Variants in FNBP1L observed in about 807,000 individuals in gnomAD.
The protein encoded by FNBP1L is formin-binding protein 1-like.
A neutral mutation model predicts 91.2 loss-of-function variants in FNBP1L; 36 were observed. That is an observed-to-expected ratio of 0.39 (90% CI 0.30 to 0.52). The LOEUF (loss-of-function observed/expected upper bound fraction) is 0.52, where lower values mean the gene tolerates loss of function less well. Ranked by LOEUF, FNBP1L falls within the 20% of genes least tolerant of loss-of-function variation. FNBP1L has a pLI of 0.66. For synonymous variants in FNBP1L, 242 were observed against 237.0 expected (o/e 1.02, Z -0.19); for missense variants, 571 against 732.1 (o/e 0.78, Z 2.54).
intron 1 of FNBP1L, among the ~76,000 whole-genome samples, chr1:93,479,872 T>C (rs1399694385): frequency 1.3e-5 from 2 of 152,202 alleles, no homozygotes; most frequent in Admixed American, 6.5e-5. Context: ...TGTACAATAG[T>C]GGTCCTGAGG....
chr1:93,511,975 A>T, intron 2 of FNBP1L, among the ~76,000 whole-genome samples: 1 of 150,554 alleles, frequency 6.6e-6, no homozygotes, highest in Non-Finnish European at 1.5e-5. Flanking sequence ...CAAAAAAAAA[A>T]AAAAAAAAAA....
At chr1:93,506,919 A>G (rs1570814734) in intron 2 of FNBP1L, among the ~76,000 whole-genome samples, 1 of 152,196 alleles carries the variant, frequency 6.6e-6, no homozygotes, top group East Asian at 1.9e-4. Context: ...TATCACATAT[A>G]TAACTAATAT....
intron 2 of FNBP1L, among the ~76,000 whole-genome samples, chr1:93,516,315 G>T (rs1443296847): frequency 6.6e-6 from 1 of 152,174 alleles, no homozygotes; most frequent in Non-Finnish European, 1.5e-5. Flanking sequence ...CTCTTGATCT[G>T]CAGTCAAATG....
intron 2 of FNBP1L, among the ~76,000 whole-genome samples, chr1:93,504,508 G>A (rs1415405505): frequency 6.6e-6 from 1 of 152,110 alleles, no homozygotes; most frequent in Non-Finnish European, 1.5e-5. Flanking sequence ...GCGTGAAAAC[G>A]AACTAATACA....
chr1:93,524,836 T>C (rs545233355), intron 5 of FNBP1L, among the ~76,000 whole-genome samples: 1 of 152,104 alleles, frequency 6.6e-6, no homozygotes, highest in East Asian at 1.9e-4. Flanking sequence ...TTGTAAATGC[T>C]CCTGATATTG....
chr1:93,546,519 T>G (rs915878001), intron 12 of FNBP1L, among the ~76,000 whole-genome samples: 41 of 152,250 alleles, frequency 2.7e-4, no homozygotes, highest in African/African-American at 9.6e-4. Context: ...TGGGACATGA[T>G]GAGCTGAAGA....
intron 2 of FNBP1L, among the ~76,000 whole-genome samples, chr1:93,509,940 G>A (rs1028404934): frequency 1.8e-4 from 27 of 152,178 alleles, no homozygotes; most frequent in African/African-American, 4.3e-4. Context: ...ATTATATCCC[G>A]CACATGGCTC....
chr1:93,457,520 A>C (rs1247672243), intron 1 of FNBP1L, among the ~76,000 whole-genome samples: 2 of 152,130 alleles, frequency 1.3e-5, no homozygotes, highest in Non-Finnish European at 2.9e-5. Flanking sequence ...TTGCTAGACT[A>C]GCAAAACAGT....
chr1:93,550,825 A>T, intron 15 of FNBP1L, 122 bp from the exon 16 acceptor site: 1 of 914,636 alleles, frequency 1.1e-6, no homozygotes, highest in Non-Finnish European at 1.6e-6. Context: ...TGCTAGTGAG[A>T]GTCAGTAGTT....
At chr1:93,490,722 CTTCT>C (rs1471623700) in intron 1 of FNBP1L, among the ~76,000 whole-genome samples, 5 of 152,110 alleles carry the variant, frequency 3.3e-5, no homozygotes, top group Non-Finnish European at 5.9e-5. Flanking sequence ...ACTTAATATT[CTTCT>C]TTATTTCTAA....
At chr1:93,522,732 T>A (rs946437862) in intron 3 of FNBP1L, among the ~76,000 whole-genome samples, 2 of 152,214 alleles carry the variant, frequency 1.3e-5, no homozygotes, top group African/African-American at 4.8e-5. Context: ...AATCTTCATC[T>A]GTAAGAGAGT....
At chr1:93,500,984 G>GTTCT (rs907113692) in intron 2 of FNBP1L, among the ~76,000 whole-genome samples, 13 of 152,188 alleles carry the variant, frequency 8.5e-5, no homozygotes, top group African/African-American at 3.1e-4. Context: ...AAAAGTTAAT[G>GTTCT]ATCTGGGAAA....
At chr1:93,512,483 C>T (rs1237211604) in intron 2 of FNBP1L, among the ~76,000 whole-genome samples, 2 of 151,986 alleles carry the variant, frequency 1.3e-5, no homozygotes, top group Non-Finnish European at 2.9e-5. Context: ...TTTTCAGCAC[C>T]ACACCACACC....
chr1:93,467,738 T>A (rs1047622719), intron 1 of FNBP1L, among the ~76,000 whole-genome samples: 4 of 151,952 alleles, frequency 2.6e-5, no homozygotes, highest in Non-Finnish European at 5.9e-5. Context: ...TTGTGCCTGT[T>A]AATAGCCACC....
intron 1 of FNBP1L, among the ~76,000 whole-genome samples, chr1:93,484,471 G>A (rs930122161): frequency 6.6e-6 from 1 of 152,182 alleles, no homozygotes; most frequent in African/African-American, 2.4e-5. Flanking sequence ...CCCTGTTCTA[G>A]AGAATTTTCA....
chr1:93,508,737 A>C (rs147206879), intron 2 of FNBP1L, among the ~76,000 whole-genome samples: 2 of 152,208 alleles, frequency 1.3e-5, no homozygotes, highest in African/African-American at 4.8e-5. Flanking sequence ...AAAGACTTCT[A>C]TGGTTACCCT....
chr1:93,464,046 C>T (rs1003994951), intron 1 of FNBP1L, among the ~76,000 whole-genome samples: 3 of 152,132 alleles, frequency 2.0e-5, no homozygotes, highest in African/African-American at 7.2e-5. Flanking sequence ...ACTTCATACC[C>T]ATAAGGGTGG....
intron 1 of FNBP1L, among the ~76,000 whole-genome samples, chr1:93,451,523 C>CA (rs1025174233): frequency 6.6e-6 from 1 of 152,046 alleles, no homozygotes; most frequent in African/African-American, 2.4e-5. Flanking sequence ...AAGATGGATT[C>CA]AAATATCTGA....
chr1:93,459,979 T>TGTGTGTGTGTGTGTGTGTG (rs1557774013), intron 1 of FNBP1L, among the ~76,000 whole-genome samples: 1 of 47,140 alleles, frequency 2.1e-5, no homozygotes. Context: ...GTGTGTGTGT[T>TGTGTGTGTGTGTGTGTGTG]TTTGGGATAT....
Sources: allele counts gnomAD v4.1 joint callset (sites outside exome capture counted in the v4.1 genomes callset), GRCh38; gene constraint gnomAD v4.1.1; transcripts MANE v1.5; gene names NCBI Gene and HGNC (gene_info 2026-07-23, HGNC 2026-07-21).